The following RBFOX1 variants were observed in gnomAD, a reference collection of about 807,000 sequenced individuals.
The protein encoded by RBFOX1 is RNA binding fox-1 homolog 1.
A neutral mutation model predicts 57.7 loss-of-function variants in RBFOX1; 8 were observed. The ratio of observed to expected loss-of-function variants is 0.14; its 90% CI spans 0.08 to 0.25. The LOEUF (loss-of-function observed/expected upper bound fraction) is 0.25. Among genes scored for constraint, RBFOX1 ranks in the 10% least tolerant of loss-of-function variants. The probability of loss-of-function intolerance (pLI) is 1.00; values close to 1 mark genes in which losing one functional copy is unlikely to be tolerated. For synonymous variants in RBFOX1, 326 were observed against 222.4 expected, an observed-to-expected ratio of 1.47 and a Z score of -4.15; for missense variants, 611 against 548.5, an observed-to-expected ratio of 1.11 and a Z score of -1.14.
At position 6,510,587 on chromosome 16, in the gene RBFOX1, G is replaced by A. The variant is rs1359250424; in HGVS notation, c.-63-144016G>A. 3.9e-5 allele frequency among the ~76,000 whole-genome samples: 6 copies of A among 152,104 alleles called. No homozygotes were observed. In the East Asian group the frequency reaches 7.7e-4, roughly 20 times the overall value. ...TTGGATTCCATGTGATGGAGAAGTC[G>A]GGAGGATGAAAGCCTGCGTATGCCT... On this transcript the variant is annotated intron_variant, in intron 2 of 15. Transcript: ENST00000550418.
chr16:7,642,766 G>A (rs974486309), intron 11 of RBFOX1, among the ~76,000 whole-genome samples: 4 of 151,952 alleles, frequency 2.6e-5, no homozygotes, highest in Admixed American at 2.0e-4. Context: ...AGATGATGAC[G>A]AACTGCTGCA....
At chr16:7,478,340 T>G (rs1470610151) in intron 4 of RBFOX1, among the ~76,000 whole-genome samples, 1 of 152,164 alleles carries the variant, frequency 6.6e-6, no homozygotes, top group Admixed American at 6.6e-5. Context: ...GAAGATAGAC[T>G]TTACTCCAGG....
intron 3 of RBFOX1, among the ~76,000 whole-genome samples, chr16:5,710,809 ATT>A (rs1342240214): frequency 6.6e-6 from 1 of 152,084 alleles, no homozygotes; most frequent in African/African-American, 2.4e-5. Context: ...CAGTGGTTGC[ATT>A]TGTGTGCCAG....
chr16:6,290,673 T>G lies in RBFOX1; in HGVS notation c.-126-26322T>G, dbSNP rs993735232. Among the ~76,000 whole-genome samples the G allele has an allele frequency of 2.6e-5, 4 of 152,318 alleles. No homozygotes were observed. The East Asian group carries it at 7.7e-4, about 29-fold the overall frequency. ...AAAGGAAATTTTACGTATCAGGTGT[T>G]CAGTGAATATTGGAGGTGTTTGTTG... On this transcript the variant is annotated intron_variant, in intron 1 of 15. Transcript: ENST00000550418.
intron 2 of RBFOX1, among the ~76,000 whole-genome samples, chr16:5,482,032 A>G (rs1318317199): frequency 1.3e-5 from 2 of 152,228 alleles, no homozygotes; most frequent in Non-Finnish European, 2.9e-5. Flanking sequence ...TTCAGCCCAT[A>G]ACAGCCTCTT....
At chr16:7,631,465 G>A (rs1228303481) in intron 11 of RBFOX1, among the ~76,000 whole-genome samples, 1 of 152,164 alleles carries the variant, frequency 6.6e-6, no homozygotes, top group Non-Finnish European at 1.5e-5. Context: ...AGCCGCCACT[G>A]ACTCTACCAT....
intron 4 of RBFOX1, among the ~76,000 whole-genome samples, chr16:7,114,993 G>A (rs1488650107): frequency 6.6e-6 from 1 of 152,174 alleles, no homozygotes; most frequent in Non-Finnish European, 1.5e-5. Context: ...TGAAAATAGG[G>A]TAAGCGTATT....
rs148526668 is a variant in RBFOX1, at chr16:5,908,226, A to G, written c.351+40891A>G. 4.5e-3 allele frequency among the ~76,000 whole-genome samples: 448 copies of G among 99,950 alleles called. 2 individuals carry two copies. In the East Asian group the frequency reaches 0.052, roughly 11 times the overall value. The allele number at this position is 99,950 out of a possible 152,430, so 65.6% of individuals were successfully genotyped here. On this transcript the variant is annotated intron_variant, in intron 4 of 19. Transcript: ENST00000641259. ...TACACACATATATATACATATATAC[A>G]CACATATATATACATATACATACAC... is the stretch of plus-strand genomic sequence containing the variant.
intron 3 of RBFOX1, among the ~76,000 whole-genome samples, chr16:6,826,823 G>A (rs2092208152): frequency 6.6e-6 from 1 of 152,066 alleles, no homozygotes; most frequent in Admixed American, 6.6e-5. Flanking sequence ...ATTAATGTAA[G>A]ATAAATTAAT....
chr16:6,818,241 A>G lies in RBFOX1; in HGVS notation c.-16+163591A>G, dbSNP rs183392350. ...ACGAAATGTTAGCAGACATGATACA[A>G]GCAGAGGCTTTAGAAGTAGGTGCTT... On this transcript the variant is annotated intron_variant, in intron 3 of 15. Coordinates refer to ENST00000550418, the MANE Select transcript of RBFOX1 (RefSeq NM_018723.4). Among the ~76,000 whole-genome samples the G allele has an allele frequency of 4.9e-4, 75 of 152,164 alleles. 2 individuals carry two copies. The highest frequency in any genetic ancestry group is 7.4e-5 in the Non-Finnish European group (5 of 68,002).
intron 12 of RBFOX1, chr16:7,664,662 C>A (rs531596089): frequency 3.8e-6 from 2 of 526,442 alleles, no homozygotes; most frequent in East Asian, 6.3e-5. Context: ...CCTTTCTGTA[C>A]CCACTCCTGA....
At chr16:7,076,576 C>T (rs976085608) in intron 4 of RBFOX1, among the ~76,000 whole-genome samples, 1 of 152,186 alleles carries the variant, frequency 6.6e-6, no homozygotes, top group East Asian at 1.9e-4. Flanking sequence ...CCTGCAGATA[C>T]TTGAATTTCT....
intron 3 of RBFOX1, among the ~76,000 whole-genome samples, chr16:6,975,533 C>T (rs538755995): frequency 1.3e-5 from 2 of 152,234 alleles, no homozygotes; most frequent in African/African-American, 4.8e-5. Context: ...TCCCAAAGTG[C>T]TGGGATTACA....
At chr16:7,089,845 G>T (rs575506814) in intron 4 of RBFOX1, among the ~76,000 whole-genome samples, 1 of 151,894 alleles carries the variant, frequency 6.6e-6, no homozygotes, top group Non-Finnish European at 1.5e-5. Context: ...TGAAAAATGG[G>T]CACTACCTTC....
At chr16:7,239,068 A>C (rs545299915) in intron 4 of RBFOX1, among the ~76,000 whole-genome samples, 3 of 152,254 alleles carry the variant, frequency 2.0e-5, no homozygotes, top group Admixed American at 1.3e-4. Context: ...TTGATTCCAC[A>C]TCCTTGCTAT....
intron 4 of RBFOX1, among the ~76,000 whole-genome samples, chr16:7,406,551 A>G (rs538421753): frequency 6.6e-6 from 1 of 152,324 alleles, no homozygotes; most frequent in South Asian, 2.1e-4. Flanking sequence ...TGATGCAAAA[A>G]CATTTAGAAG....
At chr16:7,031,426 T>C (rs1232245942) in intron 3 of RBFOX1, among the ~76,000 whole-genome samples, 1 of 151,922 alleles carries the variant, frequency 6.6e-6, no homozygotes, top group South Asian at 2.1e-4. Flanking sequence ...TGAAACCCCG[T>C]CTCTACTAAA....
chr16:6,864,697 G>T (rs1160454030), intron 3 of RBFOX1, among the ~76,000 whole-genome samples: 2 of 151,862 alleles, frequency 1.3e-5, no homozygotes, highest in South Asian at 2.1e-4. Context: ...TTTCAATAAT[G>T]CATGGAATCC....
rs145614070 is a variant in RBFOX1, at chr16:5,918,373, G to A, written c.351+51038G>A. 1.6e-3 allele frequency among the ~76,000 whole-genome samples: 243 copies of A among 152,280 alleles called. 2 individuals are homozygous for A. The highest frequency in any genetic ancestry group is 5.5e-3 in the African/African-American group (228 of 41,562). ...GACCTCAGGTGATCCACTCGCCTTC[G>A]CCTCCCAAAGTGCTGGGATTATAGG... On this transcript the variant is annotated intron_variant, in intron 4 of 19. Transcript: ENST00000641259.
Sources: gnomAD v4.1 joint callset for allele counts (sites outside exome capture counted in the v4.1 genomes callset) on GRCh38, gnomAD v4.1.1 for gene constraint, MANE v1.5 for transcripts, NCBI Gene and HGNC (gene_info 2026-07-23, HGNC 2026-07-21) for gene names.